NKAIN2: variants seen among roughly 807,000 people sequenced by gnomAD.
NKAIN2 encodes sodium/potassium transporting ATPase interacting 2.
NKAIN2 carries 14 observed loss-of-function variants against 32.6 expected under a neutral mutation model. The ratio of observed to expected loss-of-function variants is 0.43; its 90% CI spans 0.28 to 0.67. NKAIN2 has a LOEUF of 0.67. Ranked by LOEUF, NKAIN2 falls within the 30% of genes least tolerant of loss-of-function variation. The probability of loss-of-function intolerance (pLI) is 0.17; values close to 1 mark genes in which losing one functional copy is unlikely to be tolerated. For missense variants in NKAIN2, 198 were observed against 258.3 expected, an observed-to-expected ratio of 0.77 and a Z score of 1.60; for synonymous variants, 80 against 87.2, an observed-to-expected ratio of 0.92 and a Z score of 0.46.
intron 1 of NKAIN2, among the ~76,000 whole-genome samples, chr6:123,901,913 G>C (rs1336473313): frequency 1.3e-5 from 2 of 151,672 alleles, no homozygotes; most frequent in Non-Finnish European, 2.9e-5. Flanking sequence ...TTAAAATGAA[G>C]ACTTAAAAAA....
At chr6:124,470,559 C>T (rs1341983390) in intron 3 of NKAIN2, among the ~76,000 whole-genome samples, 2 of 152,140 alleles carry the variant, frequency 1.3e-5, no homozygotes, top group East Asian at 3.9e-4. Context: ...ACACAGCACA[C>T]ATGCACACAC....
At chr6:124,346,036 T>A (rs148451431) in intron 2 of NKAIN2, among the ~76,000 whole-genome samples, 1 of 152,188 alleles carries the variant, frequency 6.6e-6, no homozygotes, top group Non-Finnish European at 1.5e-5. Flanking sequence ...ATGTTGTGTC[T>A]TTGTTCTCGT....
chr6:123,833,681 AT>A (rs1026811228), intron 1 of NKAIN2, among the ~76,000 whole-genome samples: 14 of 105,308 alleles, frequency 1.3e-4, no homozygotes, highest in Non-Finnish European at 2.3e-4. Flanking sequence ...GCAAAAGGTA[AT>A]TTTTTTTCCT....
intron 1 of NKAIN2, among the ~76,000 whole-genome samples, chr6:124,175,057 G>C (rs531428558): frequency 3.9e-5 from 6 of 152,228 alleles, no homozygotes; most frequent in Non-Finnish European, 5.9e-5. Context: ...GCCATTTTCA[G>C]TTGTAATAAT....
chr6:124,427,483 T>C (rs533490485), intron 3 of NKAIN2, among the ~76,000 whole-genome samples: 4 of 152,202 alleles, frequency 2.6e-5, no homozygotes, highest in Non-Finnish European at 5.9e-5. Flanking sequence ...ATATGTTAAT[T>C]ATACCTCAGT....
chr6:124,379,006 G>T lies in NKAIN2; in HGVS notation c.273+23659G>T, dbSNP rs191786033. Among the ~76,000 whole-genome samples the T allele has an allele frequency of 2.0e-4, 30 of 148,130 alleles. 1 individual carries two copies. The highest frequency in any genetic ancestry group is 3.7e-4 in the Non-Finnish European group (25 of 67,222). On this transcript the variant is annotated intron_variant, in intron 3 of 6. Coordinates refer to ENST00000368417, the MANE Select transcript of NKAIN2 (RefSeq NM_001040214.3). The stretch of plus-strand genomic sequence containing the variant: ...ACTTATGAGGCTGCTGTGGGAGGAT[G>T]ACCTGGGCCCAGGAGTTTGAGGTTG...
chr6:124,150,773 G>A lies in NKAIN2; in HGVS notation c.55-132232G>A, dbSNP rs189529180. The stretch of plus-strand genomic sequence containing the variant: ...TAAGCACACAGACAAACTACACTCC[G>A]GGAGGCCTTCAAGAACTTACAAACT... On this transcript the variant is annotated intron_variant, in intron 1 of 6. Coordinates refer to ENST00000368417, the MANE Select transcript of NKAIN2 (RefSeq NM_001040214.3). Among the ~76,000 whole-genome samples the A allele has an allele frequency of 1.0e-3, 155 of 152,136 alleles. 1 individual carries two copies. Among genetic ancestry groups the A allele is most frequent in the Middle Eastern group, 6.8e-3 (2 of 294 alleles).
intron 1 of NKAIN2, among the ~76,000 whole-genome samples, chr6:124,122,422 T>C (rs2114990945): frequency 6.6e-6 from 1 of 152,250 alleles, no homozygotes. Flanking sequence ...AAATTATCCA[T>C]GTTATTAGAC....
intron 2 of NKAIN2, among the ~76,000 whole-genome samples, chr6:124,300,983 G>A (rs935551301): frequency 1.3e-5 from 2 of 152,200 alleles, no homozygotes; most frequent in Non-Finnish European, 2.9e-5. Context: ...GTAACAAGGA[G>A]CCAAATGCTA....
At chr6:124,300,099 C>G (rs1243585702) in intron 2 of NKAIN2, among the ~76,000 whole-genome samples, 1 of 152,076 alleles carries the variant, frequency 6.6e-6, no homozygotes, top group Non-Finnish European at 1.5e-5. Context: ...TTTCCAACCC[C>G]CAATTCCTCT....
intron 3 of NKAIN2, among the ~76,000 whole-genome samples, chr6:124,524,147 C>A (rs987051932): frequency 1.3e-5 from 2 of 152,070 alleles, no homozygotes; most frequent in Admixed American, 6.5e-5. Context: ...GAAACAAGAT[C>A]AACAGGCATT....
chr6:124,345,623 G>T (rs1418591481), intron 2 of NKAIN2, among the ~76,000 whole-genome samples: 6 of 151,870 alleles, frequency 4.0e-5, no homozygotes. Context: ...TATTTGCGTA[G>T]AGGTGTTTGT....
intron 3 of NKAIN2, among the ~76,000 whole-genome samples, chr6:124,611,028 G>T (rs1008276488): frequency 6.6e-6 from 1 of 152,068 alleles, no homozygotes; most frequent in Non-Finnish European, 1.5e-5. Context: ...TAAATTAAAG[G>T]CCACTTAGAA....
chr6:123,880,890 T>G (rs1773422172), intron 1 of NKAIN2, among the ~76,000 whole-genome samples: 1 of 152,218 alleles, frequency 6.6e-6, no homozygotes, highest in Non-Finnish European at 1.5e-5. Flanking sequence ...AAGCAACTAA[T>G]TCAGAGATAT....
intron 3 of NKAIN2, among the ~76,000 whole-genome samples, chr6:124,653,277 TG>T (rs1784427441): frequency 6.6e-6 from 1 of 151,628 alleles, no homozygotes; most frequent in Non-Finnish European, 1.5e-5. Flanking sequence ...TAAAACAGTG[TG>T]GTATTGGCAA....
intron 1 of NKAIN2, among the ~76,000 whole-genome samples, chr6:123,888,614 G>T (rs1478939315): frequency 4.0e-4 from 61 of 152,018 alleles, no homozygotes; most frequent in Non-Finnish European, 4.4e-5. Context: ...CAATATTAAA[G>T]TTCCTATAGA....
At chr6:124,447,708 T>C (rs947567316) in intron 3 of NKAIN2, among the ~76,000 whole-genome samples, 14 of 152,184 alleles carry the variant, frequency 9.2e-5, no homozygotes, top group African/African-American at 3.1e-4. Flanking sequence ...CATTTTAGCC[T>C]GACTTCTGCA....
intron 5 of NKAIN2, among the ~76,000 whole-genome samples, chr6:124,792,351 G>A (rs1161928638): frequency 6.6e-6 from 1 of 152,114 alleles, no homozygotes; most frequent in African/African-American, 2.4e-5. Context: ...AATATCAAGT[G>A]ATTAATGTAG....
At chr6:124,784,924 A>G (rs1164355075) in intron 4 of NKAIN2, among the ~76,000 whole-genome samples, 1 of 151,974 alleles carries the variant, frequency 6.6e-6, no homozygotes, top group Non-Finnish European at 1.5e-5. Flanking sequence ...ATTTCTTTAG[A>G]TTTATACTGT....
Sources: allele counts gnomAD v4.1 joint callset (sites outside exome capture counted in the v4.1 genomes callset), GRCh38; gene constraint gnomAD v4.1.1; transcripts MANE v1.5; gene names NCBI Gene and HGNC (gene_info 2026-07-23, HGNC 2026-07-21).